SYN2: variants seen among roughly 807,000 people sequenced by gnomAD.
The protein encoded by SYN2 is synapsin-2.
A neutral mutation model predicts 50.9 loss-of-function variants in SYN2; 19 were observed. That is an observed-to-expected ratio of 0.37 (90% confidence interval 0.26 to 0.55). The LOEUF is 0.55. SYN2 is among the 20% of genes least tolerant of loss of function. The pLI is 0.81. For synonymous variants in SYN2, 255 were observed against 224.9 expected (o/e 1.13, Z -1.20); for missense variants, 587 against 576.4 (o/e 1.02, Z -0.19).
At chr3:12,154,838 A>G (rs1697409519) in intron 5 of SYN2, among the ~76,000 whole-genome samples, 1 of 148,722 alleles carries the variant, frequency 6.7e-6, no homozygotes, top group African/African-American at 2.5e-5. Context: ...GTCAGATTAA[A>G]TGAGAGATTG....
At chr3:12,038,156 G>C (rs757787139) in intron 1 of SYN2, among the ~76,000 whole-genome samples, 4 of 152,074 alleles carry the variant, frequency 2.6e-5, no homozygotes, top group African/African-American at 4.8e-5. Flanking sequence ...TTGTTGAAAA[G>C]ACTCTTTTTC....
chr3:12,058,479 A>T (rs1352017369), intron 1 of SYN2, among the ~76,000 whole-genome samples: 1 of 152,208 alleles, frequency 6.6e-6, no homozygotes, highest in Admixed American at 6.5e-5. Context: ...ACAAATGATT[A>T]TTCTATCTCT....
At chr3:12,087,473 A>G (rs1379283014) in intron 1 of SYN2, among the ~76,000 whole-genome samples, 1 of 152,202 alleles carries the variant, frequency 6.6e-6, no homozygotes, top group African/African-American at 2.4e-5. Context: ...TTTTAAAGCT[A>G]TCTTAATGAA....
intron 1 of SYN2, among the ~76,000 whole-genome samples, chr3:12,035,540 T>C (rs1021726489): frequency 6.6e-6 from 1 of 152,138 alleles, no homozygotes; most frequent in Admixed American, 6.5e-5. Flanking sequence ...ATGGCTTACA[T>C]GTAAGGGTTT....
At chr3:12,124,796 A>C (rs553969270) in intron 1 of SYN2, among the ~76,000 whole-genome samples, 1 of 152,292 alleles carries the variant, frequency 6.6e-6, no homozygotes, top group Admixed American at 6.5e-5. Flanking sequence ...ATAAAAACAC[A>C]TACAGGAATA....
intron 5 of SYN2, chr3:12,158,939 T>C: frequency 4.2e-6 from 6 of 1,414,908 alleles, no homozygotes; most frequent in South Asian, 1.5e-5. Flanking sequence ...CCCCAGGCTT[T>C]ATGAGGTGGC....
chr3:12,162,214 T>C (rs1382380475), intron 7 of SYN2, 60 bp downstream of exon 7: 3 of 1,581,612 alleles, frequency 1.9e-6, no homozygotes, highest in Admixed American at 1.8e-5. Flanking sequence ...AGCCTCCACA[T>C]TGCAGCCAAC....
At chr3:12,156,987 A>C in intron 5 of SYN2, 1 of 1,298,022 alleles carries the variant, frequency 7.7e-7, no homozygotes. Flanking sequence ...TGTACTGTAT[A>C]TATTAACAGA....
chr3:12,059,915 T>C (rs1422761983), intron 1 of SYN2, among the ~76,000 whole-genome samples: 5 of 152,156 alleles, frequency 3.3e-5, no homozygotes, highest in Non-Finnish European at 7.4e-5. Context: ...CTGACATTTA[T>C]AGAGCATGGA....
chr3:12,096,985 A>G (rs1191100853), intron 1 of SYN2, among the ~76,000 whole-genome samples: 3 of 152,146 alleles, frequency 2.0e-5, no homozygotes, highest in African/African-American at 2.4e-5. Context: ...TGAAGAAACA[A>G]TGACAGGAAC....
chr3:12,190,810 G>T lies in SYN2; in HGVS notation c.*185G>T, dbSNP rs1224917665. 7.4e-7 allele frequency: 1 copy of T among 1,359,104 alleles called. No individual in the cohort carries two copies. The highest frequency in any genetic ancestry group is 3.0e-5 in the East Asian group (1 of 32,866). 84.2% of individuals were successfully genotyped at this position (1,359,104 alleles called of 1,614,324 possible). ...ACCATTTGACAGTCTCAGGGCAGGTGCCTACCCAGCAAGGGGTACCTGGCA... is the reference window on the plus strand; with the variant it reads ...ACCATTTGACAGTCTCAGGGCAGGTTCCTACCCAGCAAGGGGTACCTGGCA... On this transcript the variant is annotated 3_prime_UTR_variant, in exon 13 of 13. Transcript: ENST00000621198.
At chr3:12,160,456 A>AT (rs1421762951) in intron 5 of SYN2, among the ~76,000 whole-genome samples, 1 of 152,182 alleles carries the variant, frequency 6.6e-6, no homozygotes, top group East Asian at 1.9e-4. Context: ...CAGGGTCAAC[A>AT]TTATTTCCTT....
chr3:12,075,745 A>G (rs1695455167), intron 1 of SYN2, among the ~76,000 whole-genome samples: 6 of 152,148 alleles, frequency 3.9e-5, no homozygotes, highest in Admixed American at 3.3e-4. Context: ...GATGCTTTCC[A>G]TTTCTGAAAT....
At position 12,141,966 on chromosome 3, in the gene SYN2, A is replaced by C. The variant is rs1449313720; in HGVS notation, c.497A>C (p.Gln166Pro). The C allele has an allele frequency of 1.3e-6, 1 of 780,724 alleles. No individual in the cohort carries two copies. Among genetic ancestry groups the C allele is most frequent in the Non-Finnish European group, 2.4e-6 (1 of 417,958 alleles). 48.4% of individuals were successfully genotyped at this position (780,724 alleles called of 1,614,324 possible). A position where few individuals can be genotyped will look rare whatever the true frequency, so the allele number is the denominator to read the frequency against. The stretch of plus-strand genomic sequence containing the variant: ...GATGGCACCTATGCTGTGGATATGC[A>C]GGTTCTCCGGAATGGCACAAAGGTT... The part of the protein sequence containing the change: ...HADGTYAVDM[Q>P]VLRNGTKVVR... Residue 166 changes from glutamine (Q) to proline (P), a missense_variant, in exon 3 of 13, where the codon CAG (glutamine) becomes CCG (proline). Physicochemically the swap from Gln to Pro is moderately conservative, Grantham distance 76. Transcript: ENST00000621198.
intron 5 of SYN2, chr3:12,154,283 C>T (rs368893289): frequency 1.5e-5 from 24 of 1,613,346 alleles, no homozygotes; most frequent in South Asian, 3.3e-5. Flanking sequence ...GGCTCAGAAC[C>T]CTTCCCCCAT....
At chr3:12,150,589 T>C (rs1212954378) in intron 4 of SYN2, among the ~76,000 whole-genome samples, 1 of 152,198 alleles carries the variant, frequency 6.6e-6, no homozygotes, top group East Asian at 1.9e-4. Context: ...CATGGAGCTA[T>C]TCCAGTTTCT....
Position 12,190,844 on chromosome 3 carries a change from G to A in SYN2, c.*219G>A. 2 of 1,321,640 alleles carry A rather than the reference G, an allele frequency of 1.5e-6. No individual in the cohort carries two copies. The highest frequency in any genetic ancestry group is 1.9e-6 in the Non-Finnish European group (2 of 1,041,010). 81.9% of individuals were successfully genotyped at this position (1,321,640 alleles called of 1,614,324 possible). ...GCAAGGGGTACCTGGCATCAGAGAG[G>A]AAAGAGCTGCTTCCCTGTAGTCATG... On this transcript the variant is annotated 3_prime_UTR_variant, in exon 13 of 13. Transcript: ENST00000621198.
intron 10 of SYN2, 138 bp downstream of exon 10, chr3:12,170,044 C>A: frequency 8.9e-7 from 1 of 1,119,196 alleles, no homozygotes; most frequent in East Asian, 2.7e-5. Context: ...TCTCCCTCTT[C>A]CTTCCCTTCC....
intron 1 of SYN2, chr3:12,070,502 C>T (rs1297477509): frequency 7.1e-6 from 5 of 704,310 alleles, no homozygotes; most frequent in Non-Finnish European, 1.2e-5. Flanking sequence ...GGCACCACAC[C>T]TTCTACAGTG....
Sources: allele counts gnomAD v4.1 joint callset (sites outside exome capture counted in the v4.1 genomes callset), GRCh38; gene constraint gnomAD v4.1.1; transcripts MANE v1.5; gene names NCBI Gene and HGNC (gene_info 2026-07-23, HGNC 2026-07-21).